Variants in BTBD2 observed in about 807,000 individuals in gnomAD.
BTBD2 encodes the protein BTB domain containing 2.
A neutral mutation model predicts 44.0 loss-of-function variants in BTBD2; 15 were observed. The ratio of observed to expected loss-of-function variants is 0.34; its 90% CI spans 0.23 to 0.53. The LOEUF (loss-of-function observed/expected upper bound fraction) is 0.53, where lower values mean the gene tolerates loss of function less well. Ranked by LOEUF, BTBD2 falls within the 20% of genes least tolerant of loss-of-function variation. BTBD2 has a pLI of 0.95. For synonymous variants in BTBD2, 443 were observed against 335.9 expected, an observed-to-expected ratio of 1.32 and a Z score of -3.49; for missense variants, 657 against 746.4, an observed-to-expected ratio of 0.88 and a Z score of 1.39.
At chr19:1,994,665 A>G (rs1323844587) in intron 2 of BTBD2, among the ~76,000 whole-genome samples, 3 of 152,052 alleles carry the variant, frequency 2.0e-5, no homozygotes, top group Non-Finnish European at 4.4e-5. Flanking sequence ...AGGCTGATGC[A>G]GGAGAATCAC....
chr19:1,990,033 G>A lies in BTBD2; in HGVS notation c.959C>T (p.Pro320Leu). ...LGKALGLIRF[P>L]LMTIEEFAAG... ...AGCGAACTCCTCGATGGTCATGAGC[G>A]GGAAGCGAATGAGGCCCAGGGCCTT... is the stretch of plus-strand genomic sequence containing the variant. The change falls in exon 5 of 9, where the codon CCG becomes CTG. Residue 320 changes from proline to leucine, a missense_variant. By Grantham distance (98) the Pro-to-Leu change is moderately conservative. Around this residue, in one of 3 missense-constraint regions of BTBD2, gnomAD observed 449 missense variants for 510.9 expected, o/e 0.88. Coordinates refer to ENST00000255608, the MANE Select transcript of BTBD2 (RefSeq NM_017797.4). 5.0e-6 allele frequency: 8 copies of A among 1,613,388 alleles called. No homozygotes were observed. Among genetic ancestry groups the A allele is most frequent in the Non-Finnish European group, 6.8e-6 (8 of 1,180,018 alleles).
intron 1 of BTBD2, among the ~76,000 whole-genome samples, chr19:1,999,234 G>C (rs1215901361): frequency 6.6e-6 from 1 of 152,182 alleles, no homozygotes; most frequent in African/African-American, 2.4e-5. Context: ...GCTTCCACAT[G>C]GGCCCCGACC....
At chr19:1,987,401 C>G in intron 6 of BTBD2, 99 bp downstream of exon 6, 1 of 1,325,268 alleles carries the variant, frequency 7.5e-7, no homozygotes, top group Non-Finnish European at 1.0e-6. Context: ...TCTTCATCAT[C>G]CCTGAGTTCT....
In BTBD2 at chr19:1,989,668, C is replaced by T. The variant is rs1193991568; in HGVS notation, c.988+336G>A. 8 of 371,948 alleles carry T rather than the reference C, an allele frequency of 2.2e-5. No individual in the cohort carries two copies. The East Asian group carries it at 2.5e-4, about 12-fold the overall frequency. 23.0% of individuals were successfully genotyped at this position (371,948 alleles called of 1,614,324 possible). On this transcript the variant is annotated intron_variant, in intron 5 of 8. Transcript: ENST00000255608. Reference sequence around the variant, plus strand: ...CAGCCACCCCGGCCATGTCAGAGCCCTCCTGAGCTCGTCACAGACACTGGT... The same window carrying T: ...CAGCCACCCCGGCCATGTCAGAGCCTTCCTGAGCTCGTCACAGACACTGGT...
intron 1 of BTBD2, among the ~76,000 whole-genome samples, chr19:2,013,055 G>A (rs566037108): frequency 3.3e-5 from 5 of 152,318 alleles, no homozygotes; most frequent in African/African-American, 9.6e-5. Context: ...ACGGCGACAC[G>A]GACGGCACAA....
At chr19:1,987,292 G>C in intron 6 of BTBD2, 39 bp from the exon 7 acceptor site, 1 of 1,603,000 alleles carries the variant, frequency 6.2e-7, no homozygotes. Flanking sequence ...TGGATACCCA[G>C]GGATAGCCTA....
In BTBD2 at chr19:2,008,589, C is replaced by CTTTTT. The variant is rs34228593; in HGVS notation, c.407+6703_407+6707dup. On this transcript the variant is annotated intron_variant, in intron 1 of 8. Transcript: ENST00000255608. ...TACAGGCGTGAGCCACTGTGCCCAG[C>CTTTTT]TTTTTTTTTTTTTTTTTTTAGGGAC... is the stretch of plus-strand genomic sequence containing the variant. Among the ~76,000 whole-genome samples, 8 of 126,568 alleles carry CTTTTT rather than the reference C, an allele frequency of 6.3e-5. 1 individual carries two copies. Among genetic ancestry groups the CTTTTT allele is most frequent in the African/African-American group, 9.4e-5 (3 of 32,052 alleles). The allele number at this position is 126,568 out of a possible 152,430, so 83.0% of individuals were successfully genotyped here. A position where few individuals can be genotyped will look rare whatever the true frequency, so the allele number is the denominator to read the frequency against.
chr19:1,999,760 G>A (rs2016302109), intron 1 of BTBD2, among the ~76,000 whole-genome samples: 1 of 151,326 alleles, frequency 6.6e-6, no homozygotes, highest in South Asian at 2.1e-4. Context: ...CAGGAGTTGG[G>A]AGACCAGCCT....
At position 2,012,943 on chromosome 19, in the gene BTBD2, C is replaced by CT. The variant is rs1004195622; in HGVS notation, c.407+2353dup. On this transcript the variant is annotated intron_variant, in intron 1 of 8. Transcript: ENST00000255608. ...GTTCCAGCTGCATCCAACCTACCCC[C>CT]TCCCCAAAGAGCACAAAGACCACCC... Among the ~76,000 whole-genome samples the CT allele has an allele frequency of 1.1e-4, 17 of 152,176 alleles. 1 individual carries two copies.
intron 2 of BTBD2, among the ~76,000 whole-genome samples, chr19:1,996,495 T>C (rs1287440352): frequency 3.0e-5 from 4 of 133,088 alleles, no homozygotes; most frequent in East Asian, 2.3e-4. Flanking sequence ...TTGTTGTTGT[T>C]GTTATTTTTT....
intron 1 of BTBD2, among the ~76,000 whole-genome samples, chr19:2,012,191 C>T (rs917864991): frequency 3.4e-5 from 5 of 148,458 alleles, no homozygotes; most frequent in Non-Finnish European, 4.4e-5. Context: ...GTCACTGTGT[C>T]GCCTGGGCTG....
chr19:1,998,506 G>A (rs911865003), intron 1 of BTBD2, among the ~76,000 whole-genome samples: 6 of 152,208 alleles, frequency 3.9e-5, no homozygotes, highest in African/African-American at 1.4e-4. Flanking sequence ...GTTCTGCCCC[G>A]TGTGAAGCTC....
chr19:1,989,890 C>G, intron 5 of BTBD2, 114 bp downstream of exon 5: 4 of 1,228,642 alleles, frequency 3.3e-6, no homozygotes, highest in Non-Finnish European at 4.6e-6. Context: ...CTGTATATGC[C>G]AGGCATCTGC....
chr19:1,994,713 C>T (rs948996314), intron 2 of BTBD2, among the ~76,000 whole-genome samples: 2 of 152,106 alleles, frequency 1.3e-5, no homozygotes, highest in African/African-American at 4.8e-5. Flanking sequence ...GAGCCAGGAT[C>T]GTGCCACTGC....
intron 1 of BTBD2, chr19:2,013,505 T>C (rs2016493720): frequency 2.0e-6 from 2 of 984,726 alleles, no homozygotes; most frequent in African/African-American, 1.8e-5. Flanking sequence ...CAGGGGATCA[T>C]AGGATGGGGT....
chr19:2,005,459 C>T (rs1045192575), intron 1 of BTBD2, among the ~76,000 whole-genome samples: 1 of 152,056 alleles, frequency 6.6e-6, no homozygotes, highest in African/African-American at 2.4e-5. Flanking sequence ...GGGACTAGGG[C>T]GTGCACCACC....
intron 8 of BTBD2, 79 bp from the exon 9 acceptor site, chr19:1,986,728 C>A: frequency 1.3e-6 from 2 of 1,584,340 alleles, no homozygotes; most frequent in Non-Finnish European, 8.6e-7. Flanking sequence ...AAGGCCCCGA[C>A]TGGGCCAGGG....
chr19:1,993,029 C>G lies in BTBD2; in HGVS notation c.675G>C (p.Leu225=), dbSNP rs764053679. 21 of 1,533,954 alleles carry G rather than the reference C, an allele frequency of 1.4e-5. No individual in the cohort carries two copies. In the South Asian group the frequency reaches 2.3e-4, roughly 16 times the overall value. ...TACCGGCCCCGCCCACCTGCGTGAG[C>G]AGCATGAAGGCGTTGTCGGCTCGCA... ...KNLRADNAFM[L]LTQARLFDEP... is the part of the protein sequence containing the mutation. The change falls in exon 3 of 9, where the codon CTG becomes CTC. Residue 225 remains leucine (L), a synonymous_variant. Coordinates refer to ENST00000255608, the MANE Select transcript of BTBD2 (RefSeq NM_017797.4).
intron 1 of BTBD2, among the ~76,000 whole-genome samples, chr19:2,000,384 G>A (rs1054673760): frequency 3.9e-5 from 6 of 152,206 alleles, no homozygotes; most frequent in Admixed American, 2.0e-4. Context: ...ATTTAAAAAT[G>A]TATCTTGGTC....
Sources: allele counts gnomAD v4.1 joint callset (sites outside exome capture counted in the v4.1 genomes callset), GRCh38; gene constraint gnomAD v4.1.1; regional missense constraint gnomAD v4.1.1; transcripts MANE v1.5; gene names NCBI Gene and HGNC (gene_info 2026-07-23, HGNC 2026-07-21).